Variants in GRM1 observed in about 807,000 individuals in gnomAD.
The protein encoded by GRM1 is metabotropic glutamate receptor 1.
In GRM1, 33 loss-of-function variants were observed where a neutral mutation model predicts 90.9. That is an observed-to-expected ratio of 0.36 (90% CI 0.28 to 0.49). GRM1 has a LOEUF of 0.49. Among genes scored for constraint, GRM1 ranks in the 20% least tolerant of loss-of-function variants. The pLI is 0.99. For missense variants in GRM1, 1,190 were observed against 1,534.3 expected, an observed-to-expected ratio of 0.78 and a Z score of 3.75; for synonymous variants, 700 against 613.2, an observed-to-expected ratio of 1.14 and a Z score of -2.09.
intron 6 of GRM1, among the ~76,000 whole-genome samples, chr6:146,396,070 A>ATCTATCTATCTG (rs1776915919): frequency 9.5e-5 from 1 of 10,538 alleles, no homozygotes; most frequent in Non-Finnish European, 1.9e-4. Context: ...CCTATCCATC[A>ATCTATCTATCTG]TCTATCTATC....
At chr6:146,323,238 C>G (rs1784268425) in intron 3 of GRM1, among the ~76,000 whole-genome samples, 1 of 152,168 alleles carries the variant, frequency 6.6e-6, no homozygotes, top group South Asian at 2.1e-4. Context: ...TCTCCACATC[C>G]TCTCCAGCAC....
intron 2 of GRM1, among the ~76,000 whole-genome samples, chr6:146,234,314 T>G (rs142486084): frequency 2.0e-3 from 307 of 152,194 alleles, no homozygotes; most frequent in African/African-American, 7.1e-3. Context: ...TCCTTTTAAT[T>G]AGTTTATTTT....
chr6:146,155,983 G>A (rs1777513459), intron 1 of GRM1, among the ~76,000 whole-genome samples: 1 of 152,198 alleles, frequency 6.6e-6, no homozygotes, highest in Non-Finnish European at 1.5e-5. Context: ...ATGCCGGGAG[G>A]CCAATCAGGA....
chr6:146,132,898 G>C (rs1385599077), intron 1 of GRM1, among the ~76,000 whole-genome samples: 1 of 152,108 alleles, frequency 6.6e-6, no homozygotes, highest in Non-Finnish European at 1.5e-5. Context: ...GTCTCCAAAG[G>C]CCTAGTTCTA....
chr6:146,201,673 G>A (rs572740443), intron 2 of GRM1, among the ~76,000 whole-genome samples: 1 of 152,294 alleles, frequency 6.6e-6, no homozygotes, highest in South Asian at 2.1e-4. Context: ...GAATTTTGGA[G>A]AGACGCAAAC....
At chr6:146,135,542 A>G (rs2128881651) in intron 1 of GRM1, among the ~76,000 whole-genome samples, 1 of 152,328 alleles carries the variant, frequency 6.6e-6, no homozygotes, top group East Asian at 1.9e-4. Context: ...TTCACTTCAC[A>G]TATAAGAACA....
At chr6:146,387,365 A>C (rs1414399121) in intron 6 of GRM1, among the ~76,000 whole-genome samples, 1 of 152,014 alleles carries the variant, frequency 6.6e-6, no homozygotes, top group African/African-American at 2.4e-5. Context: ...GCACTACTAT[A>C]GGCCCTAAAA....
intron 7 of GRM1, among the ~76,000 whole-genome samples, chr6:146,419,050 G>T (rs980301304): frequency 2.6e-5 from 4 of 152,116 alleles, no homozygotes; most frequent in Admixed American, 2.6e-4. Flanking sequence ...GAGTAAAAAG[G>T]ATCACAGGAG....
chr6:146,378,452 C>T (rs1316387182), intron 5 of GRM1, among the ~76,000 whole-genome samples: 5 of 152,186 alleles, frequency 3.3e-5, no homozygotes, highest in African/African-American at 1.2e-4. Flanking sequence ...TCAGCAAGAC[C>T]TGGATTCAGA....
At chr6:146,136,224 T>G (rs1776612723) in intron 1 of GRM1, among the ~76,000 whole-genome samples, 2 of 152,232 alleles carry the variant, frequency 1.3e-5, no homozygotes, top group Non-Finnish European at 1.5e-5. Flanking sequence ...TCATGGTAAA[T>G]AGTACTGAAA....
intron 2 of GRM1, among the ~76,000 whole-genome samples, chr6:146,206,908 G>T (rs2114633256): frequency 6.6e-6 from 1 of 152,138 alleles, no homozygotes; most frequent in Admixed American, 6.5e-5. Context: ...GTGGTATTTG[G>T]TTTTCTGTTC....
intron 5 of GRM1, among the ~76,000 whole-genome samples, chr6:146,362,987 A>G (rs1775548586): frequency 6.6e-6 from 1 of 152,116 alleles, no homozygotes. Context: ...TTTGGCTGGA[A>G]TTGGAACGTT....
chr6:146,351,190 G>T (rs1013170850), intron 3 of GRM1, among the ~76,000 whole-genome samples: 2 of 152,188 alleles, frequency 1.3e-5, no homozygotes, highest in African/African-American at 2.4e-5. Context: ...GGCAGGGAGT[G>T]TGAGGAGCCC....
intron 1 of GRM1, among the ~76,000 whole-genome samples, chr6:146,042,219 A>G (rs938372213): frequency 1.3e-5 from 2 of 152,000 alleles, no homozygotes; most frequent in Non-Finnish European, 2.9e-5. Context: ...AGTAGCCTCC[A>G]CTTCCTCCTA....
chr6:146,073,250 C>T (rs1006112228), intron 1 of GRM1, among the ~76,000 whole-genome samples: 13 of 152,048 alleles, frequency 8.5e-5, no homozygotes, highest in South Asian at 8.3e-4. Context: ...CCAAACCCTA[C>T]GGTAGTTTGT....
chr6:146,383,523 T>A lies in GRM1; in HGVS notation c.1603-3367T>A, dbSNP rs185486997. ...GATATCTTTTATAATTTAAATTTCT[T>A]ATGCCTATTTTGAAGATAGGTGTGA... On this transcript the variant is annotated intron_variant, in intron 5 of 7. Coordinates refer to ENST00000282753, the MANE Select transcript of GRM1 (RefSeq NM_001278064.2). Among the ~76,000 whole-genome samples, 681 of 152,248 alleles carry A rather than the reference T, an allele frequency of 4.5e-3. 6 individuals carry two copies. Among genetic ancestry groups the A allele is most frequent in the Non-Finnish European group, 5.3e-3 (358 of 67,972 alleles).
At chr6:146,188,404 C>G (rs1310208884) in intron 2 of GRM1, among the ~76,000 whole-genome samples, 1 of 152,136 alleles carries the variant, frequency 6.6e-6, no homozygotes, top group African/African-American at 2.4e-5. Flanking sequence ...CATTGCTTTT[C>G]TCTTCCAAGA....
upstream of GRM1, chr6:146,027,970 T>G (rs1790551285): frequency 6.6e-6 from 1 of 152,350 alleles, no homozygotes; most frequent in Admixed American, 6.5e-5. Flanking sequence ...TCGGGACCAA[T>G]GGGTGCCTGG....
At chr6:146,253,284 T>C (rs945506720) in intron 2 of GRM1, among the ~76,000 whole-genome samples, 1 of 152,096 alleles carries the variant, frequency 6.6e-6, no homozygotes, top group Non-Finnish European at 1.5e-5. Context: ...CAGGCTTCAG[T>C]AGATGAGGAC....
Sources: gnomAD v4.1 joint callset for allele counts (sites outside exome capture counted in the v4.1 genomes callset) on GRCh38, gnomAD v4.1.1 for gene constraint, MANE v1.5 for transcripts, NCBI Gene and HGNC (gene_info 2026-07-23, HGNC 2026-07-21) for gene names.